The following SYNDIG1 variants were observed in gnomAD, a reference collection of about 807,000 sequenced individuals.
SYNDIG1 encodes synapse differentiation-inducing gene protein 1.
A neutral mutation model predicts 19.4 loss-of-function variants in SYNDIG1; 9 were observed. That is an observed-to-expected ratio of 0.46 (90% CI 0.28 to 0.81). SYNDIG1 has a LOEUF of 0.81. Among genes scored for constraint, SYNDIG1 ranks in the 30% least tolerant of loss-of-function variants. SYNDIG1 has a pLI of 0.12. For synonymous variants in SYNDIG1, 141 were observed against 145.9 expected (o/e 0.97, Z 0.24); for missense variants, 311 against 343.3 (o/e 0.91, Z 0.74).
chr20:24,547,095 G>C lies in SYNDIG1; in HGVS notation c.480+3518G>C, dbSNP rs149609461. 2.6e-3 allele frequency among the ~76,000 whole-genome samples: 388 copies of C among 151,976 alleles called. 1 individual carries two copies. The highest frequency in any genetic ancestry group is 8.8e-3 in the African/African-American group (364 of 41,454). On this transcript the variant is annotated intron_variant, in intron 2 of 3. Coordinates refer to ENST00000376862, the MANE Select transcript of SYNDIG1 (RefSeq NM_024893.3). ...GCCCCTCCCATTGCCCTGGTTCAGA[G>C]TGGGGCCTTCTCATTGTCCTGGGTC...
chr20:24,613,706 C>T (rs556512934), intron 3 of SYNDIG1, among the ~76,000 whole-genome samples: 267 of 152,300 alleles, frequency 1.8e-3, no homozygotes, highest in Non-Finnish European at 2.9e-3. Context: ...TCTAGACTGA[C>T]GGCCGCGCCC....
chr20:24,652,786 C>T (rs1250543445), intron 3 of SYNDIG1, among the ~76,000 whole-genome samples: 1 of 152,104 alleles, frequency 6.6e-6, no homozygotes, highest in African/African-American at 2.4e-5. Context: ...CGGGAGCAGC[C>T]CTCAAGCAGT....
At chr20:24,535,507 G>T (rs961825055) in intron 1 of SYNDIG1, among the ~76,000 whole-genome samples, 11 of 152,132 alleles carry the variant, frequency 7.2e-5, no homozygotes, top group African/African-American at 2.7e-4. Context: ...TAAACAGAGA[G>T]AAGCTCTCTA....
intron 3 of SYNDIG1, among the ~76,000 whole-genome samples, chr20:24,593,266 A>C (rs574298971): frequency 2.0e-5 from 3 of 152,136 alleles, no homozygotes; most frequent in Non-Finnish European, 4.4e-5. Context: ...TTCAATGTTT[A>C]GGTTCCACTT....
At chr20:24,587,413 T>C (rs2058434860) in intron 3 of SYNDIG1, among the ~76,000 whole-genome samples, 1 of 152,146 alleles carries the variant, frequency 6.6e-6, no homozygotes, top group Admixed American at 6.5e-5. Context: ...CAGTCTGCAG[T>C]GGTGGTTCCG....
intron 2 of SYNDIG1, among the ~76,000 whole-genome samples, chr20:24,543,854 C>T (rs909381367): frequency 1.3e-5 from 2 of 152,154 alleles, no homozygotes; most frequent in African/African-American, 4.8e-5. Flanking sequence ...CTGGTGGGTT[C>T]ATCGGTTTTC....
intron 1 of SYNDIG1, among the ~76,000 whole-genome samples, chr20:24,486,950 C>T (rs966086928): frequency 2.0e-5 from 3 of 152,138 alleles, no homozygotes; most frequent in Non-Finnish European, 2.9e-5. Flanking sequence ...AGCCGCCGTG[C>T]GCAGCCGAGA....
chr20:24,490,040 G>A (rs2056102366), intron 1 of SYNDIG1, among the ~76,000 whole-genome samples: 1 of 152,212 alleles, frequency 6.6e-6, no homozygotes, highest in Non-Finnish European at 1.5e-5. Flanking sequence ...AGAGAGGCAG[G>A]GGAGTATGCA....
intron 3 of SYNDIG1, among the ~76,000 whole-genome samples, chr20:24,627,659 G>T (rs2059171549): frequency 6.6e-6 from 1 of 152,386 alleles, no homozygotes; most frequent in African/African-American, 2.4e-5. Context: ...ACACTGGTTT[G>T]ATTCCCAGTC....
intron 1 of SYNDIG1, among the ~76,000 whole-genome samples, chr20:24,492,307 G>A (rs913082529): frequency 1.3e-5 from 2 of 152,208 alleles, no homozygotes; most frequent in South Asian, 2.1e-4. Flanking sequence ...GGCCTTCAGC[G>A]AGAGTTGCTA....
chr20:24,638,369 T>C (rs1184121588), intron 3 of SYNDIG1, among the ~76,000 whole-genome samples: 1 of 152,230 alleles, frequency 6.6e-6, no homozygotes, highest in African/African-American at 2.4e-5. Flanking sequence ...ATTTGGAGAC[T>C]GTCTCCAGAG....
chr20:24,603,561 A>T (rs2058710497), intron 3 of SYNDIG1, among the ~76,000 whole-genome samples: 1 of 152,190 alleles, frequency 6.6e-6, no homozygotes. Context: ...CTTCAGCTGT[A>T]TGCAGCAGAA....
In SYNDIG1 at chr20:24,665,572, C is replaced by T. The variant is rs560015888; in HGVS notation, c.*68C>T. 7.5e-5 allele frequency: 120 copies of T among 1,599,230 alleles called. 1 individual carries two copies. Among genetic ancestry groups the T allele is most frequent in the South Asian group, 2.9e-4 (26 of 89,680 alleles). ...GTGGACGTGGAGGAAGCAGGCATAC[C>T]GCATGATGCTGTACAGTACAAATGA... On this transcript the variant is annotated 3_prime_UTR_variant, in exon 4 of 4. Transcript: ENST00000376862.
Position 24,646,157 on chromosome 20 carries a change from T to G in SYNDIG1, c.619-19189T>G, listed in dbSNP as rs112985104. Among the ~76,000 whole-genome samples the G allele has an allele frequency of 5.4e-4, 82 of 152,302 alleles. 1 individual carries two copies. The highest frequency in any genetic ancestry group is 1.9e-3 in the African/African-American group (78 of 41,562). The stretch of plus-strand genomic sequence containing the variant: ...CAGCATCTCATTTTGAAGCCCCACA[T>G]GCAGCTCTGAGGAAACCATGCATGT... On this transcript the variant is annotated intron_variant, in intron 3 of 3. Transcript: ENST00000376862.
intron 1 of SYNDIG1, among the ~76,000 whole-genome samples, chr20:24,507,387 G>A (rs996006422): frequency 2.6e-5 from 4 of 152,230 alleles, no homozygotes; most frequent in African/African-American, 7.2e-5. Flanking sequence ...GGTTCCTGAA[G>A]GAGGAATAAA....
At chr20:24,641,293 A>G (rs2059374573) in intron 3 of SYNDIG1, among the ~76,000 whole-genome samples, 1 of 152,098 alleles carries the variant, frequency 6.6e-6, no homozygotes, top group Non-Finnish European at 1.5e-5. Context: ...GGATTGATGG[A>G]TGGATGGATG....
chr20:24,558,238 A>G (rs997742896), intron 2 of SYNDIG1, among the ~76,000 whole-genome samples: 2 of 152,176 alleles, frequency 1.3e-5, no homozygotes, highest in Admixed American at 6.5e-5. Context: ...TTAAGACCAG[A>G]AGTGTCAATT....
intron 1 of SYNDIG1, among the ~76,000 whole-genome samples, chr20:24,528,643 C>T (rs2057177407): frequency 6.6e-6 from 1 of 152,168 alleles, no homozygotes; most frequent in Admixed American, 6.5e-5. Context: ...GGCACTAATC[C>T]TATGGGCGAG....
chr20:24,649,006 G>A (rs775255757), intron 3 of SYNDIG1, among the ~76,000 whole-genome samples: 2 of 152,210 alleles, frequency 1.3e-5, no homozygotes, highest in Non-Finnish European at 2.9e-5. Flanking sequence ...GCAAAAAGGT[G>A]ACCTATGCTC....
Sources: gnomAD v4.1 joint callset for allele counts (sites outside exome capture counted in the v4.1 genomes callset) on GRCh38, gnomAD v4.1.1 for gene constraint, MANE v1.5 for transcripts, NCBI Gene and HGNC (gene_info 2026-07-23, HGNC 2026-07-21) for gene names.